The following DGKK variants were observed in gnomAD, a reference collection of about 807,000 sequenced individuals.
The protein encoded by DGKK is diacylglycerol kinase kappa.
Under a neutral mutation model 92.2 loss-of-function variants are expected in DGKK, and 35 were observed. The ratio of observed to expected loss-of-function variants is 0.38; its 90% CI spans 0.29 to 0.50. DGKK has a LOEUF of 0.50. Among genes scored for constraint, DGKK ranks in the 20% least tolerant of loss-of-function variants. The pLI is 0.92. For missense variants in DGKK, 910 were observed against 992.2 expected (o/e 0.92, Z 1.11); for synonymous variants, 368 against 360.6 (o/e 1.02, Z -0.23).
At chrX:50,406,488 C>T (rs782067546) in intron 4 of DGKK, among the ~76,000 whole-genome samples, 2 of 111,397 alleles carry the variant, frequency 1.8e-5, no homozygotes, top group African/African-American at 3.3e-5. Context: ...AGAACGGGCC[C>T]TAATCCAATG....
chrX:50,404,072 G>C lies in DGKK; in HGVS notation c.1055C>G (p.Ser352Cys). Residue 352 changes from serine (S) to cysteine (C), a missense_variant, in exon 5 of 28, where the codon TCT becomes TGT. Physicochemically the swap from Ser to Cys is moderately radical, Grantham distance 112. Coordinates refer to ENST00000611977, the MANE Select transcript of DGKK (RefSeq NM_001013742.4). ...NVCRESIPAL[S>C]RDAIICEVCK... Reference sequence around the variant, plus strand: ...ACCTTCACAGATGATGGCATCTCTAGATAAGGCAGGAATGCTCTCTCGACA... The same window carrying C: ...ACCTTCACAGATGATGGCATCTCTACATAAGGCAGGAATGCTCTCTCGACA... The C allele has an allele frequency of 8.3e-7, 1 of 1,210,974 alleles. No homozygotes were observed. The highest frequency in any genetic ancestry group is 1.1e-6 in the Non-Finnish European group (1 of 895,225).
chrX:50,418,631 C>T (rs868973269), intron 4 of DGKK, among the ~76,000 whole-genome samples: 27 of 111,940 alleles, frequency 2.4e-4, no homozygotes, highest in Middle Eastern at 4.6e-3. Flanking sequence ...GGTGCCGAGA[C>T]GTTTCACTAT....
chrX:50,394,207 G>A (rs1431556085), intron 8 of DGKK, among the ~76,000 whole-genome samples: 3 of 111,590 alleles, frequency 2.7e-5, no homozygotes, highest in Non-Finnish European at 5.7e-5. Flanking sequence ...AAATACACAG[G>A]GCAAAAAGCA....
chrX:50,445,455 G>A (rs1926279174), intron 1 of DGKK, among the ~76,000 whole-genome samples: 1 of 110,985 alleles, frequency 9.0e-6, no homozygotes, highest in Non-Finnish European at 1.9e-5. Flanking sequence ...GTTAATTTTT[G>A]TATATGGTGT....
chrX:50,391,454 A>G lies in DGKK; in HGVS notation c.1827T>C (p.Ser609=), dbSNP rs41307623. The G allele has an allele frequency of 0.015, 18,254 of 1,209,687 alleles. 102 individuals are homozygous for G. Among genetic ancestry groups the G allele is most frequent in the Non-Finnish European group, 0.018 (15,968 of 894,896 alleles). The change falls in exon 11 of 28, where the codon AGT becomes AGC. Residue 609 remains serine (S), a synonymous_variant. Transcript: ENST00000611977. ...LDILNRVEQA[S]VRILDRWSVM... ...CCACTTACCTGTCTAGGATCCTCAC[A>G]CTAGCCTGCTCCACTCTGTTGAGGA...
chrX:50,368,020 G>C lies in DGKK; in HGVS notation c.*920C>G, dbSNP rs1383560064. 1.8e-5 allele frequency: 2 copies of C among 110,003 alleles called. No individual in the cohort carries two copies. The highest frequency in any genetic ancestry group is 5.7e-4 in the East Asian group (2 of 3,497). 9.1% of individuals were successfully genotyped at this position (110,003 alleles called of 1,213,427 possible). A position where few individuals can be genotyped will look rare whatever the true frequency, so the allele number is the denominator to read the frequency against. ...CTGGATTAGCACAATAAATTATAGG[G>C]TCACTTAGAGGTCGAGTTGTATTTT... On this transcript the variant is annotated 3_prime_UTR_variant, in exon 28 of 28. Coordinates refer to ENST00000611977, the MANE Select transcript of DGKK (RefSeq NM_001013742.4).
chrX:50,469,283 C>G (rs1926989616), intron 1 of DGKK, among the ~76,000 whole-genome samples: 1 of 112,192 alleles, frequency 8.9e-6, no homozygotes, highest in African/African-American at 3.2e-5. Context: ...TGCGGGATGC[C>G]AGTTGCCCCG....
In DGKK at chrX:50,388,652, T is replaced by A. The variant is rs1444519926; in HGVS notation, c.1927-34A>T. The A allele has an allele frequency of 1.5e-5, 16 of 1,049,375 alleles. No homozygotes were observed. In the African/African-American group the frequency reaches 2.8e-4, roughly 18 times the overall value. The allele number at this position is 1,049,375 out of a possible 1,213,427, so 86.5% of individuals were successfully genotyped here. ...AAAAGGAGTTCTTAGCCCTGGAATCTTAGTACAATAACACAGTGTGCTGCC... is the reference window on the plus strand; with the variant it reads ...AAAAGGAGTTCTTAGCCCTGGAATCATAGTACAATAACACAGTGTGCTGCC... On this transcript the variant is annotated intron_variant, in intron 12 of 27. Coordinates refer to ENST00000611977, the MANE Select transcript of DGKK (RefSeq NM_001013742.4).
chrX:50,395,515 G>T (rs1430908121), intron 8 of DGKK, among the ~76,000 whole-genome samples: 1 of 111,387 alleles, frequency 9.0e-6, no homozygotes, highest in Non-Finnish European at 1.9e-5. Flanking sequence ...AGTGTCAAAG[G>T]CCCTTTGGGG....
In DGKK at chrX:50,382,587, AT is replaced by A; in HGVS notation, c.2565del (p.Lys855AsnfsTer4). On this transcript the variant is annotated frameshift_variant, in exon 18 of 28. Coordinates refer to ENST00000611977, the MANE Select transcript of DGKK (RefSeq NM_001013742.4). LOFTEE classifies it high-confidence loss of function. ...ATTCCGAAGTAGTTGTTCATGACAC[AT>A]TTTTCTTTGAAGCGTCTGAAATTAT... ...FTPESIRFKE[K>X]CVMNNYFGIG... 1 of 1,206,257 alleles carries A rather than the reference AT, an allele frequency of 8.3e-7. No homozygotes were observed. The highest frequency in any genetic ancestry group is 1.1e-6 in the Non-Finnish European group (1 of 892,383).
At chrX:50,430,323 T>TTTAGAATTTAGGAAGGGC (rs1557230162) in intron 1 of DGKK, among the ~76,000 whole-genome samples, 1 of 112,260 alleles carries the variant, frequency 8.9e-6, no homozygotes, top group Non-Finnish European at 1.9e-5. Flanking sequence ...TGTAGAATCC[T>TTTAGAATTTAGGAAGGGC]TGTACATATT....
intron 1 of DGKK, 133 bp downstream of exon 1, chrX:50,469,901 G>A: frequency 9.6e-7 from 1 of 1,041,159 alleles, no homozygotes; most frequent in East Asian, 3.4e-5. Flanking sequence ...CCCCATCCCT[G>A]CATCTTTCTC....
intron 1 of DGKK, among the ~76,000 whole-genome samples, chrX:50,425,358 T>A (rs9969946): frequency 0.37 from 39,655 of 107,933 alleles, 5,977 homozygotes; most frequent in African/African-American, 0.48. Context: ...TCTTTTTTTT[T>A]AAAAAAAATT....
intron 1 of DGKK, among the ~76,000 whole-genome samples, chrX:50,427,964 T>C (rs1925791026): frequency 1.8e-5 from 2 of 110,920 alleles, no homozygotes; most frequent in Admixed American, 9.6e-5. Flanking sequence ...GGAATATTCA[T>C]TGAAAAATAC....
At chrX:50,453,975 C>T (rs1926550533) in intron 1 of DGKK, among the ~76,000 whole-genome samples, 1 of 101,563 alleles carries the variant, frequency 9.8e-6, no homozygotes, top group Admixed American at 1.1e-4. Context: ...TCCCCCAGTT[C>T]TCTCACACCT....
At chrX:50,442,181 T>G (rs1226017032) in intron 1 of DGKK, among the ~76,000 whole-genome samples, 1 of 111,902 alleles carries the variant, frequency 8.9e-6, no homozygotes, top group Non-Finnish European at 1.9e-5. Context: ...ACAGGCACCC[T>G]GCTTAAGTTG....
intron 9 of DGKK, 50 bp from the exon 10 acceptor site, chrX:50,392,499 G>T: frequency 9.8e-7 from 1 of 1,024,882 alleles, no homozygotes; most frequent in Non-Finnish European, 1.4e-6. Flanking sequence ...GCTGGGTTTT[G>T]TAACTTTTCC....
intron 1 of DGKK, among the ~76,000 whole-genome samples, chrX:50,428,982 G>C (rs1189029675): frequency 8.9e-6 from 1 of 111,793 alleles, no homozygotes; most frequent in African/African-American, 3.3e-5. Flanking sequence ...ACCCGCTTGG[G>C]GCTACTAAAC....
At chrX:50,377,746 C>T (rs782476742) in intron 22 of DGKK, among the ~76,000 whole-genome samples, 12 of 112,141 alleles carry the variant, frequency 1.1e-4, no homozygotes, top group East Asian at 2.8e-4. Context: ...AATCATCTGA[C>T]GCTTTTAGCT....
Sources: allele counts gnomAD v4.1 joint callset (sites outside exome capture counted in the v4.1 genomes callset), GRCh38; gene constraint gnomAD v4.1.1; transcripts MANE v1.5; gene names NCBI Gene and HGNC (gene_info 2026-07-23, HGNC 2026-07-21).